OPCML: variants seen among roughly 807,000 people sequenced by gnomAD.
OPCML encodes the protein opioid binding protein/cell adhesion molecule like.
OPCML carries 13 observed loss-of-function variants against 37.8 expected under a neutral mutation model. That is an observed-to-expected ratio of 0.34 (90% CI 0.22 to 0.55). OPCML has a LOEUF of 0.55. Among genes scored for constraint, OPCML ranks in the 20% least tolerant of loss-of-function variants. The pLI, the probability that OPCML is intolerant of heterozygous loss-of-function variation, is 0.91. For synonymous variants in OPCML, 176 were observed against 168.8 expected (o/e 1.04, Z -0.33); for missense variants, 341 against 435.6 (o/e 0.78, Z 1.93).
At chr11:132,560,069 T>C (rs2096407227) in intron 3 of OPCML, among the ~76,000 whole-genome samples, 1 of 152,252 alleles carries the variant, frequency 6.6e-6, no homozygotes, top group Admixed American at 6.5e-5. Context: ...TTTGAATCAA[T>C]TGATACTTTG....
At chr11:132,433,977 C>A (rs564734716) in intron 7 of OPCML, among the ~76,000 whole-genome samples, 1 of 152,302 alleles carries the variant, frequency 6.6e-6, no homozygotes, top group South Asian at 2.1e-4. Context: ...TTTTGGTATA[C>A]ACTGGTTGTT....
chr11:133,140,357 A>G (rs1410051253), intron 1 of OPCML, among the ~76,000 whole-genome samples: 2 of 149,544 alleles, frequency 1.3e-5, no homozygotes, highest in Admixed American at 6.7e-5. Flanking sequence ...ACTAAAAAAA[A>G]TACAAAAATT....
At position 133,314,570 on chromosome 11, in the gene OPCML, A is replaced by AC. The variant is rs1491009716; in HGVS notation, c.61+217693_61+217694insG. ...CTTCCATAATAAGAAAAAAAAAAAA[A>AC]AGAAAGAAAAGAAAAACACAGTCCA... On this transcript the variant is annotated intron_variant, in intron 1 of 7. Coordinates refer to ENST00000524381, the MANE Select transcript of OPCML (RefSeq NM_001012393.5). Among the ~76,000 whole-genome samples, 226 of 148,910 alleles carry AC rather than the reference A, an allele frequency of 1.5e-3. 5 individuals are homozygous for AC. Among genetic ancestry groups the AC allele is most frequent in the Middle Eastern group, 0.01 (3 of 290 alleles).
At chr11:132,981,477 G>A (rs1304889645) in intron 1 of OPCML, among the ~76,000 whole-genome samples, 1 of 152,100 alleles carries the variant, frequency 6.6e-6, no homozygotes. Context: ...GAGGGATAAC[G>A]GGCACTGGCG....
At chr11:133,344,443 C>T (rs541112689) in intron 1 of OPCML, among the ~76,000 whole-genome samples, 1 of 152,186 alleles carries the variant, frequency 6.6e-6, no homozygotes, top group African/African-American at 2.4e-5. Context: ...CCCACTGCCC[C>T]TCTCCCAGCC....
intron 2 of OPCML, among the ~76,000 whole-genome samples, chr11:132,908,845 G>A (rs1944330210): frequency 6.6e-6 from 1 of 152,212 alleles, no homozygotes; most frequent in Non-Finnish European, 1.5e-5. Context: ...CACATTTGGT[G>A]GTCACAGGTA....
chr11:132,440,932 A>G (rs1460847074), intron 4 of OPCML, among the ~76,000 whole-genome samples: 1 of 152,028 alleles, frequency 6.6e-6, no homozygotes, highest in African/African-American at 2.4e-5. Context: ...TGCTGCAGAT[A>G]ATGGGGCAGA....
chr11:132,696,044 A>C (rs1027082832), intron 2 of OPCML, among the ~76,000 whole-genome samples: 10 of 152,212 alleles, frequency 6.6e-5, no homozygotes, highest in Non-Finnish European at 1.2e-4. Context: ...CTTTGCACAC[A>C]AAACACAGAC....
At chr11:132,882,607 C>G (rs763305049) in intron 2 of OPCML, among the ~76,000 whole-genome samples, 3 of 152,174 alleles carry the variant, frequency 2.0e-5, no homozygotes, top group African/African-American at 4.8e-5. Context: ...GAAGCACTCT[C>G]TATGTGTTAG....
chr11:132,616,106 C>T (rs987114998), intron 3 of OPCML, among the ~76,000 whole-genome samples: 1 of 152,180 alleles, frequency 6.6e-6, no homozygotes, highest in Non-Finnish European at 1.5e-5. Context: ...TCTACCTATG[C>T]TCAATAAAAA....
chr11:133,190,279 G>A (rs1267783133), intron 1 of OPCML, among the ~76,000 whole-genome samples: 1 of 152,194 alleles, frequency 6.6e-6, no homozygotes. Flanking sequence ...GTATGTGCAA[G>A]TATAATTGTA....
At chr11:133,026,060 G>T in intron 1 of OPCML, 1 of 985,070 alleles carries the variant, frequency 1.0e-6, no homozygotes, top group Non-Finnish European at 1.2e-6. Context: ...CTGTATTATT[G>T]TTTCTCTCAT....
At chr11:132,511,454 G>C (rs1043454974) in intron 4 of OPCML, among the ~76,000 whole-genome samples, 2 of 151,954 alleles carry the variant, frequency 1.3e-5, no homozygotes, top group Non-Finnish European at 2.9e-5. Context: ...AAAGGACATA[G>C]ATTGGCCACT....
At chr11:133,252,617 A>G (rs980151003) in intron 1 of OPCML, among the ~76,000 whole-genome samples, 18 of 152,092 alleles carry the variant, frequency 1.2e-4, no homozygotes, top group Non-Finnish European at 2.5e-4. Context: ...TCTTCTAGGA[A>G]TTTCATTAAT....
At chr11:133,347,197 T>A (rs1944022839) in intron 1 of OPCML, among the ~76,000 whole-genome samples, 1 of 152,248 alleles carries the variant, frequency 6.6e-6, no homozygotes, top group Non-Finnish European at 1.5e-5. Context: ...GTTTTAAGCA[T>A]CTTGTAAAGC....
intron 7 of OPCML, among the ~76,000 whole-genome samples, chr11:132,427,114 C>T (rs185859939): frequency 1.5e-3 from 228 of 152,032 alleles, no homozygotes; most frequent in Non-Finnish European, 2.7e-3. Context: ...TGAAATTCTA[C>T]TAAAATGGCA....
At chr11:133,100,461 A>G (rs908879703) in intron 1 of OPCML, among the ~76,000 whole-genome samples, 11 of 152,226 alleles carry the variant, frequency 7.2e-5, no homozygotes, top group African/African-American at 2.4e-4. Context: ...ATACTGAAAA[A>G]ATGACTCTAA....
chr11:133,007,024 A>C (rs1947126855), intron 1 of OPCML: 1 of 985,412 alleles, frequency 1.0e-6, no homozygotes, highest in African/African-American at 1.7e-5. Flanking sequence ...TTAAAACAGG[A>C]GAGAGGAAAG....
intron 1 of OPCML, among the ~76,000 whole-genome samples, chr11:133,083,121 TCACACACACCACGCACACACA>T (rs1462387656): frequency 1.3e-5 from 2 of 151,784 alleles, no homozygotes; most frequent in African/African-American, 4.8e-5. Flanking sequence ...CACACTCACA[TCACACACACCACGCACACACA>T]CGCACACACA....
Sources: gnomAD v4.1 joint callset for allele counts (sites outside exome capture counted in the v4.1 genomes callset) on GRCh38, gnomAD v4.1.1 for gene constraint, MANE v1.5 for transcripts, NCBI Gene and HGNC (gene_info 2026-07-23, HGNC 2026-07-21) for gene names.